The following LYPD6 variants were observed in gnomAD, a reference collection of about 807,000 sequenced individuals.
The protein encoded by LYPD6 is ly6/PLAUR domain-containing protein 6.
LYPD6 carries 15 observed loss-of-function variants against 22.7 expected under a neutral mutation model. The observed-to-expected ratio is 0.66, with a 90% CI of 0.44 to 1.02. The LOEUF is 1.02. Among genes scored for constraint, LYPD6 ranks in the 50% least tolerant of loss-of-function variants. LYPD6 has a pLI of 0.00. For synonymous variants in LYPD6, 72 were observed against 77.5 expected (o/e 0.93, Z 0.37); for missense variants, 189 against 208.4 (o/e 0.91, Z 0.57).
chr2:149,448,927 G>A lies in LYPD6; in HGVS notation c.119-122G>A, dbSNP rs1355993688. 14 of 718,276 alleles carry A rather than the reference G, an allele frequency of 1.9e-5. No homozygotes were observed. In the East Asian group the frequency reaches 2.8e-4, roughly 14 times the overall value. 44.5% of individuals were successfully genotyped at this position (718,276 alleles called of 1,614,324 possible). A position where few individuals can be genotyped will look rare whatever the true frequency, so the allele number is the denominator to read the frequency against. The stretch of plus-strand genomic sequence containing the variant: ...GTTGCTGGGTCATATGGTAGTTGAA[G>A]GTTTAAGAAACTGCTAAGTTGTCTT... On this transcript the variant is annotated intron_variant, in intron 2 of 4. Transcript: ENST00000334166.
At chr2:149,352,182 A>C (rs1681370877) in intron 1 of LYPD6, among the ~76,000 whole-genome samples, 1 of 152,110 alleles carries the variant, frequency 6.6e-6, no homozygotes, top group Non-Finnish European at 1.5e-5. Context: ...AAATGCTATA[A>C]GGTAGATCCC....
At position 149,377,905 on chromosome 2, in the gene LYPD6, CAT is replaced by C. The variant is rs200567349; in HGVS notation, c.-72+47184_-72+47185del. ...TTGCCCTGGAGCCTCCTGCAGGCCT[CAT>C]GTGTATTCATCGCAAATATACCATC... is the stretch of plus-strand genomic sequence containing the variant. On this transcript the variant is annotated intron_variant, in intron 1 of 4. Coordinates refer to ENST00000334166, the MANE Select transcript of LYPD6 (RefSeq NM_194317.5). Among the ~76,000 whole-genome samples, 842 of 151,510 alleles carry C rather than the reference CAT, an allele frequency of 5.6e-3. 7 individuals are homozygous for C. The highest frequency in any genetic ancestry group is 0.02 in the African/African-American group (813 of 41,280).
chr2:149,408,978 C>A (rs1256419676), intron 1 of LYPD6, among the ~76,000 whole-genome samples: 1 of 152,010 alleles, frequency 6.6e-6, no homozygotes, highest in Non-Finnish European at 1.5e-5. Flanking sequence ...GGGGTGTTAA[C>A]CTTGTTTTGT....
At chr2:149,404,572 C>T (rs879023385) in intron 1 of LYPD6, among the ~76,000 whole-genome samples, 3 of 152,080 alleles carry the variant, frequency 2.0e-5, no homozygotes, top group African/African-American at 4.8e-5. Context: ...GTGATTTTTG[C>T]ACATTGATTT....
chr2:149,372,062 G>A (rs1681822720), intron 1 of LYPD6, among the ~76,000 whole-genome samples: 1 of 152,060 alleles, frequency 6.6e-6, no homozygotes, highest in East Asian at 1.9e-4. Context: ...GCTGCCCTGG[G>A]ATATTTATTT....
chr2:149,445,392 T>C (rs983447320), intron 2 of LYPD6, among the ~76,000 whole-genome samples: 4 of 152,220 alleles, frequency 2.6e-5, no homozygotes, highest in African/African-American at 4.8e-5. Flanking sequence ...AATCAGCCTG[T>C]CCTTTGAAGC....
At chr2:149,458,215 C>G (rs964785192) in intron 3 of LYPD6, among the ~76,000 whole-genome samples, 24 of 152,134 alleles carry the variant, frequency 1.6e-4, no homozygotes, top group African/African-American at 5.3e-4. Flanking sequence ...TGACACTTGT[C>G]CCTCCCCACC....
intron 1 of LYPD6, among the ~76,000 whole-genome samples, chr2:149,396,365 TC>T (rs1682429423): frequency 6.6e-6 from 1 of 152,104 alleles, no homozygotes; most frequent in Non-Finnish European, 1.5e-5. Flanking sequence ...AGAATGCTCT[TC>T]TCTCTTCCCC....
intron 1 of LYPD6, among the ~76,000 whole-genome samples, chr2:149,380,934 A>G (rs2105087474): frequency 6.6e-6 from 1 of 152,316 alleles, no homozygotes; most frequent in East Asian, 1.9e-4. Context: ...CCCAGAGAAG[A>G]GTCCCAGAAG....
chr2:149,407,276 G>C (rs980022868), intron 1 of LYPD6, among the ~76,000 whole-genome samples: 43 of 152,190 alleles, frequency 2.8e-4, no homozygotes, highest in Admixed American at 3.3e-4. Flanking sequence ...CTGAATTTTG[G>C]CCTGCCTTGC....
intron 1 of LYPD6, among the ~76,000 whole-genome samples, chr2:149,354,924 C>T (rs545388022): frequency 1.4e-4 from 22 of 152,222 alleles, no homozygotes; most frequent in Admixed American, 1.4e-3. Context: ...AGCTCGTGAG[C>T]CCTGAGAATT....
chr2:149,465,960 A>G (rs143096994), intron 3 of LYPD6, among the ~76,000 whole-genome samples: 62 of 152,294 alleles, frequency 4.1e-4, no homozygotes, highest in Non-Finnish European at 1.5e-5. Flanking sequence ...TTCATCTTTT[A>G]TCTTTTAGAT....
At chr2:149,387,453 T>C (rs1682213030) in intron 1 of LYPD6, among the ~76,000 whole-genome samples, 1 of 152,240 alleles carries the variant, frequency 6.6e-6, no homozygotes, top group Non-Finnish European at 1.5e-5. Flanking sequence ...GACTGGTATG[T>C]TAATTTCACT....
chr2:149,402,585 G>C (rs1489231767), intron 1 of LYPD6, among the ~76,000 whole-genome samples: 1 of 152,108 alleles, frequency 6.6e-6, no homozygotes, highest in Non-Finnish European at 1.5e-5. Context: ...TTGCAGGAGT[G>C]AGTTGGTATT....
chr2:149,425,429 A>G (rs1441049887), intron 1 of LYPD6, among the ~76,000 whole-genome samples: 1 of 152,234 alleles, frequency 6.6e-6, no homozygotes, highest in Non-Finnish European at 1.5e-5. Flanking sequence ...GTAGAGCATG[A>G]TGAGTGGGTG....
At chr2:149,402,104 C>T (rs370706843) in intron 1 of LYPD6, among the ~76,000 whole-genome samples, 4 of 151,852 alleles carry the variant, frequency 2.6e-5, no homozygotes, top group East Asian at 3.9e-4. Flanking sequence ...CAAACCTGCA[C>T]GTTCTGCACG....
intron 1 of LYPD6, among the ~76,000 whole-genome samples, chr2:149,352,372 GA>G (rs1301910455): frequency 7.2e-5 from 11 of 152,184 alleles, no homozygotes; most frequent in Non-Finnish European, 8.8e-5. Flanking sequence ...GTACTCTGGG[GA>G]GAGAGAATGA....
intron 1 of LYPD6, among the ~76,000 whole-genome samples, chr2:149,344,887 G>A (rs998011526): frequency 2.0e-5 from 3 of 152,158 alleles, no homozygotes; most frequent in African/African-American, 7.2e-5. Flanking sequence ...AATCTCTTGA[G>A]TCAGAAAGAG....
chr2:149,433,890 T>C (rs905141435), intron 1 of LYPD6, among the ~76,000 whole-genome samples: 3 of 152,196 alleles, frequency 2.0e-5, no homozygotes, highest in Non-Finnish European at 2.9e-5. Context: ...CTTTAATATA[T>C]CATTAGCATT....
Sources: allele counts gnomAD v4.1 joint callset (sites outside exome capture counted in the v4.1 genomes callset), GRCh38; gene constraint gnomAD v4.1.1; transcripts MANE v1.5; gene names NCBI Gene and HGNC (gene_info 2026-07-23, HGNC 2026-07-21).